Variants in GLIS3 observed in about 807,000 individuals in gnomAD.
The protein encoded by GLIS3 is GLIS family zinc finger 3.
GLIS3 carries 53 observed loss-of-function variants against 78.6 expected under a neutral mutation model. That is an observed-to-expected ratio of 0.67 (90% CI 0.54 to 0.85). GLIS3 has a LOEUF of 0.85. Ranked by LOEUF, GLIS3 falls within the 40% of genes least tolerant of loss-of-function variation. The pLI is 0.00. For missense variants in GLIS3, 1,703 were observed against 1,231.1 expected (o/e 1.38, Z -5.74); for synonymous variants, 684 against 509.9 (o/e 1.34, Z -4.60).
rs190061523 is a variant in GLIS3 at position 3,904,834 on chromosome 9, G to A, written c.1984-5999C>T. 5.2e-4 allele frequency among the ~76,000 whole-genome samples: 79 copies of A among 152,196 alleles called. 1 individual carries two copies. In the East Asian group the frequency reaches 0.014, roughly 27 times the overall value. On this transcript the variant is annotated intron_variant, in intron 6 of 10. Coordinates refer to ENST00000381971, the MANE Select transcript of GLIS3 (RefSeq NM_001042413.2). ...CTACTAAATGTCAGGCTTGGATTTCGGTGTGTTAGAGGGAATCCCAAATTA... is the reference window on the plus strand; with the variant it reads ...CTACTAAATGTCAGGCTTGGATTTCAGTGTGTTAGAGGGAATCCCAAATTA...
In GLIS3 at chr9:3,826,165, C is replaced by T. The variant is rs1817716137; in HGVS notation, c.*2107G>A. 6.6e-6 allele frequency: 1 copy of T among 152,216 alleles called. No homozygotes were observed. The highest frequency in any genetic ancestry group is 2.1e-4 in the South Asian group (1 of 4,832). 9.4% of individuals were successfully genotyped at this position (152,216 alleles called of 1,614,324 possible). ...ATGTCAACTGCAATAACAACCTTGC[C>T]TTTTCATCTTTTTTCTCATTGTACA... On this transcript the variant is annotated 3_prime_UTR_variant, in exon 11 of 11. Coordinates refer to ENST00000381971, the MANE Select transcript of GLIS3 (RefSeq NM_001042413.2).
At chr9:4,273,479 A>G (rs1270633027) in intron 2 of GLIS3, among the ~76,000 whole-genome samples, 1 of 152,056 alleles carries the variant, frequency 6.6e-6, no homozygotes, top group Admixed American at 6.6e-5. Context: ...TGTGGTCCCC[A>G]CTACTCAGGA....
chr9:3,837,825 G>C (rs1818447494), intron 9 of GLIS3, among the ~76,000 whole-genome samples: 1 of 152,178 alleles, frequency 6.6e-6, no homozygotes, highest in African/African-American at 2.4e-5. Flanking sequence ...TGCTACCATG[G>C]TGGATAGATG....
chr9:4,308,196 T>C (rs1043128062), intron 4 of GLIS3, among the ~76,000 whole-genome samples: 2 of 151,964 alleles, frequency 1.3e-5, no homozygotes, highest in Non-Finnish European at 2.9e-5. Flanking sequence ...CACCACCCAC[T>C]TTCTGCTGGA....
intron 8 of GLIS3, among the ~76,000 whole-genome samples, chr9:3,872,890 A>C (rs1478068625): frequency 6.6e-6 from 1 of 152,232 alleles, no homozygotes; most frequent in Non-Finnish European, 1.5e-5. Flanking sequence ...GGAACAAACC[A>C]AACCCCAGAT....
chr9:3,898,291 C>G, intron 7 of GLIS3: 2 of 285,520 alleles, frequency 7.0e-6, no homozygotes, highest in South Asian at 7.4e-5. Context: ...TCCTTAGAGA[C>G]CTGGGGCTTC....
chr9:4,006,478 C>T (rs957942745), intron 4 of GLIS3, among the ~76,000 whole-genome samples: 1 of 152,156 alleles, frequency 6.6e-6, no homozygotes, highest in African/African-American at 2.4e-5. Flanking sequence ...CCGAGCACAT[C>T]ACTGAGTTGA....
At chr9:4,116,577 A>G (rs1270144757) in intron 4 of GLIS3, among the ~76,000 whole-genome samples, 1 of 152,184 alleles carries the variant, frequency 6.6e-6, no homozygotes, top group Non-Finnish European at 1.5e-5. Flanking sequence ...CTTGCATTAT[A>G]GCTATCACCT....
chr9:4,041,453 G>A (rs766107314), intron 4 of GLIS3, among the ~76,000 whole-genome samples: 1 of 152,120 alleles, frequency 6.6e-6, no homozygotes, highest in Non-Finnish European at 1.5e-5. Flanking sequence ...CTTAGACTTG[G>A]TGGAAAAAAG....
At chr9:3,830,813 G>T (rs1818001592) in intron 9 of GLIS3, among the ~76,000 whole-genome samples, 1 of 152,092 alleles carries the variant, frequency 6.6e-6, no homozygotes, top group South Asian at 2.1e-4. Context: ...TGCTATTTAA[G>T]TTTCTTCTTA....
At chr9:4,192,598 C>T (rs1818424907) in intron 2 of GLIS3, among the ~76,000 whole-genome samples, 1 of 152,124 alleles carries the variant, frequency 6.6e-6, no homozygotes, top group Non-Finnish European at 1.5e-5. Flanking sequence ...TTTAACTATT[C>T]CATTCCACTT....
chr9:4,198,083 G>A (rs185334235), intron 2 of GLIS3, among the ~76,000 whole-genome samples: 4 of 152,198 alleles, frequency 2.6e-5, no homozygotes, highest in Non-Finnish European at 2.9e-5. Context: ...AGGAATTCTA[G>A]CACCAAGAAA....
At chr9:3,891,255 CTTT>C (rs1822419557) in intron 7 of GLIS3, among the ~76,000 whole-genome samples, 1 of 152,096 alleles carries the variant, frequency 6.6e-6, no homozygotes. Context: ...TTAAAGAACT[CTTT>C]ATGTCATTTA....
chr9:4,254,735 G>A (rs1214908659), intron 2 of GLIS3, among the ~76,000 whole-genome samples: 2 of 151,928 alleles, frequency 1.3e-5, no homozygotes, highest in Non-Finnish European at 2.9e-5. Flanking sequence ...AGCTACTCGG[G>A]AGGCTGAGGC....
chr9:3,886,279 A>T (rs919559586), intron 7 of GLIS3, among the ~76,000 whole-genome samples: 1 of 151,862 alleles, frequency 6.6e-6, no homozygotes, highest in African/African-American at 2.4e-5. Flanking sequence ...TTGTTGTTCT[A>T]TTTTTTTTAT....
chr9:3,894,148 C>T (rs886198535), intron 7 of GLIS3, among the ~76,000 whole-genome samples: 9 of 152,234 alleles, frequency 5.9e-5, no homozygotes, highest in African/African-American at 2.4e-5. Flanking sequence ...AATTGTTCTG[C>T]TGCTTTTTCA....
Position 4,266,601 on chromosome 9 carries a change from CACA to C in GLIS3, c.388+19434_388+19436del, listed in dbSNP as rs1826032584. 3.6e-5 allele frequency among the ~76,000 whole-genome samples: 3 copies of C among 83,996 alleles called. No individual in the cohort carries two copies. In the South Asian group the frequency reaches 9.6e-4, roughly 27 times the overall value. The allele number at this position is 83,996 out of a possible 152,430, so 55.1% of individuals were successfully genotyped here. On this transcript the variant is annotated intron_variant, in intron 2 of 10. Transcript: ENST00000381971. ...TTACACATGCATGCGCGTGTACACA[CACA>C]CACACACACACACACACACACACAC... is the stretch of plus-strand genomic sequence containing the variant.
At chr9:3,895,180 C>T (rs1822739619) in intron 7 of GLIS3, among the ~76,000 whole-genome samples, 2 of 152,196 alleles carry the variant, frequency 1.3e-5, no homozygotes, top group South Asian at 4.1e-4. Flanking sequence ...CAGGTGTTCA[C>T]CAGAAGATAT....
At chr9:4,174,785 GC>G (rs1273395317) in intron 2 of GLIS3, among the ~76,000 whole-genome samples, 54 of 152,310 alleles carry the variant, frequency 3.5e-4, no homozygotes, top group African/African-American at 1.3e-3. Flanking sequence ...ATTCCAGGAG[GC>G]AGTACACGTT....
Sources: gnomAD v4.1 joint callset for allele counts (sites outside exome capture counted in the v4.1 genomes callset) on GRCh38, gnomAD v4.1.1 for gene constraint, MANE v1.5 for transcripts, NCBI Gene and HGNC (gene_info 2026-07-23, HGNC 2026-07-21) for gene names.